Variants in ANKRD30BL observed in about 807,000 individuals in gnomAD.
The protein encoded by ANKRD30BL is putative ankyrin repeat domain-containing protein 30B-like.
In ANKRD30BL, 20 loss-of-function variants were observed where a neutral mutation model predicts 18.4. That is an observed-to-expected ratio of 1.09 (90% CI 0.77 to 1.58). The LOEUF (loss-of-function observed/expected upper bound fraction) is 1.58. Ranked by LOEUF, ANKRD30BL falls within the 40% of genes most tolerant of loss-of-function variation. The probability of loss-of-function intolerance (pLI) is 0.00; values close to 1 mark genes in which losing one functional copy is unlikely to be tolerated. For missense variants in ANKRD30BL, 224 were observed against 268.6 expected (o/e 0.83, Z 1.16); for synonymous variants, 72 against 100.9 (o/e 0.71, Z 1.72).
At chr2:132,198,185 G>A (rs929775403) in intron 1 of ANKRD30BL, among the ~76,000 whole-genome samples, 5 of 150,802 alleles carry the variant, frequency 3.3e-5, no homozygotes, top group Non-Finnish European at 7.4e-5. Context: ...CAATTGTATA[G>A]TTTTTATTAT....
intron 1 of ANKRD30BL, chr2:132,257,219 C>T (rs1190720787): frequency 1.2e-5 from 5 of 408,438 alleles, no homozygotes; most frequent in South Asian, 8.9e-5. Context: ...ACCGGCATGC[C>T]CCCCACTTGG....
Position 132,220,338 on chromosome 2 carries a change from C to G in ANKRD30BL, n.441+37191G>C, listed in dbSNP as rs1375246876. Reference sequence around the variant, plus strand: ...TCTCCCTCTCCCTGTCCCTCTCCCTCTCCCTCTCCCTGTCCCTCTCCCTCT... The same window carrying G: ...TCTCCCTCTCCCTGTCCCTCTCCCTGTCCCTCTCCCTGTCCCTCTCCCTCT... On this transcript the variant is annotated intron_variant and non_coding_transcript_variant, in intron 1 of 4. Transcript: ENST00000470729. Among the ~76,000 whole-genome samples, 106 of 97,884 alleles carry G rather than the reference C, an allele frequency of 1.1e-3. 5 individuals carry two copies. The highest frequency in any genetic ancestry group is 5.0e-3 in the African/African-American group (92 of 18,268). The allele number at this position is 97,884 out of a possible 152,430, so 64.2% of individuals were successfully genotyped here. A position where few individuals can be genotyped will look rare whatever the true frequency, so the allele number is the denominator to read the frequency against.
intron 1 of ANKRD30BL, among the ~76,000 whole-genome samples, chr2:132,182,053 G>T (rs552608105): frequency 1.3e-5 from 2 of 152,108 alleles, no homozygotes; most frequent in African/African-American, 4.8e-5. Flanking sequence ...GGAGGAGGTT[G>T]CTGTGAGCTG....
intron 1 of ANKRD30BL, among the ~76,000 whole-genome samples, chr2:132,242,736 T>C (rs947910620): frequency 6.6e-5 from 10 of 151,800 alleles, no homozygotes; most frequent in African/African-American, 2.4e-4. Context: ...CACAGAAGCA[T>C]TCTGAGAAAC....
Position 132,198,782 on chromosome 2 carries a change from T to C in ANKRD30BL, n.442-41636A>G, listed in dbSNP as rs186723131. 2.0e-4 allele frequency among the ~76,000 whole-genome samples: 30 copies of C among 152,134 alleles called. No homozygotes were observed. The East Asian group carries it at 5.7e-3, about 29-fold the overall frequency. ...ACAGGCGCCCACCACCATGCACAGC[T>C]AATTTTTGCATTTTTAGTAGAGACG... On this transcript the variant is annotated intron_variant and non_coding_transcript_variant, in intron 1 of 4. Coordinates refer to the ANKRD30BL transcript ENST00000470729.
At chr2:132,192,296 G>A (rs1183642268) in intron 1 of ANKRD30BL, among the ~76,000 whole-genome samples, 1 of 152,164 alleles carries the variant, frequency 6.6e-6, no homozygotes, top group Non-Finnish European at 1.5e-5. Flanking sequence ...GAACAGCCCT[G>A]CAGCTTGGGT....
chr2:132,234,936 A>T (rs1680114421), intron 1 of ANKRD30BL, among the ~76,000 whole-genome samples: 1 of 152,224 alleles, frequency 6.6e-6, no homozygotes, highest in Non-Finnish European at 1.5e-5. Flanking sequence ...AAAAATCCTC[A>T]ATAAAATACT....
At chr2:132,201,606 C>T (rs1178909840) in intron 1 of ANKRD30BL, among the ~76,000 whole-genome samples, 1 of 152,142 alleles carries the variant, frequency 6.6e-6, no homozygotes, top group Non-Finnish European at 1.5e-5. Context: ...CTTCTCACAC[C>T]AGTTAGAATG....
chr2:132,222,217 G>A (rs1452208942), intron 1 of ANKRD30BL, among the ~76,000 whole-genome samples: 1 of 147,888 alleles, frequency 6.8e-6, no homozygotes, highest in Admixed American at 6.7e-5. Flanking sequence ...GTGGTGGGGG[G>A]GTCAGCCCCC....
intron 1 of ANKRD30BL, among the ~76,000 whole-genome samples, chr2:132,256,806 G>C (rs1236399522): frequency 6.6e-6 from 1 of 152,364 alleles, no homozygotes; most frequent in Admixed American, 6.5e-5. Context: ...CGCCCCACCA[G>C]GCAGAGCCGG....
At chr2:132,237,839 T>C (rs1680204143) in intron 1 of ANKRD30BL, among the ~76,000 whole-genome samples, 1 of 152,102 alleles carries the variant, frequency 6.6e-6, no homozygotes, top group African/African-American at 2.4e-5. Flanking sequence ...TCATGATGTG[T>C]GTACTTAACT....
chr2:132,235,926 T>C (rs1332923937), intron 1 of ANKRD30BL, among the ~76,000 whole-genome samples: 1 of 152,138 alleles, frequency 6.6e-6, no homozygotes, highest in Non-Finnish European at 1.5e-5. Flanking sequence ...TCACACTACC[T>C]GACTTCAAAC....
intron 1 of ANKRD30BL, among the ~76,000 whole-genome samples, chr2:132,224,779 C>T (rs555508187): frequency 1.3e-5 from 2 of 152,170 alleles, no homozygotes; most frequent in Non-Finnish European, 2.9e-5. Context: ...GATATTTTGA[C>T]CGCTTTGAGG....
intron 1 of ANKRD30BL, among the ~76,000 whole-genome samples, chr2:132,170,584 G>A (rs555102672): frequency 6.6e-6 from 1 of 152,172 alleles, no homozygotes. Context: ...GATTTAATTG[G>A]ACATCCAAGG....
rs201755445 is a variant in ANKRD30BL at position 132,156,996 on chromosome 2, C to T, written c.484G>A (p.Ala162Thr). The T allele has an allele frequency of 1.9e-5, 24 of 1,263,770 alleles. No individual in the cohort carries two copies. The highest frequency in any genetic ancestry group is 2.3e-5 in the Non-Finnish European group (21 of 897,790). 78.3% of individuals were successfully genotyped at this position (1,263,770 alleles called of 1,614,324 possible). ...SVVAKLLSCG[A>T]DIEVKNKAGH... Reference sequence around the variant, plus strand: ...ACCTTGTTCTTCACTTCGATGTCTGCACCACAGGACAGCAATTTTGCCACC... The same window carrying T: ...ACCTTGTTCTTCACTTCGATGTCTGTACCACAGGACAGCAATTTTGCCACC... Residue 162 changes from alanine (A) to threonine (T), a missense_variant, in exon 3 of 6, where the codon GCA (alanine) becomes ACA (threonine). Coordinates refer to ENST00000409867, the MANE Select transcript of ANKRD30BL (RefSeq NM_001358416.1).
intron 1 of ANKRD30BL, among the ~76,000 whole-genome samples, chr2:132,256,805 A>G (rs1259836825): frequency 2.0e-5 from 3 of 152,120 alleles, no homozygotes; most frequent in Non-Finnish European, 4.4e-5. Context: ...GCGCCCCACC[A>G]GGCAGAGCCG....
At chr2:132,247,808 G>T (rs1388904652) in intron 1 of ANKRD30BL, among the ~76,000 whole-genome samples, 1 of 151,954 alleles carries the variant, frequency 6.6e-6, no homozygotes, top group Non-Finnish European at 1.5e-5. Context: ...TCCCTATGCA[G>T]ATAGTACAAA....
intron 1 of ANKRD30BL, among the ~76,000 whole-genome samples, chr2:132,226,487 G>A (rs1373042570): frequency 6.6e-6 from 1 of 151,510 alleles, no homozygotes; most frequent in Non-Finnish European, 1.5e-5. Flanking sequence ...TGGGCATTAG[G>A]AGCACTTTGC....
intron 1 of ANKRD30BL, among the ~76,000 whole-genome samples, chr2:132,249,931 A>G (rs142031217): frequency 6.6e-6 from 1 of 151,976 alleles, no homozygotes; most frequent in African/African-American, 2.4e-5. Context: ...TGAGATGAAC[A>G]CACACATCAC....
Sources: allele counts gnomAD v4.1 joint callset (sites outside exome capture counted in the v4.1 genomes callset), GRCh38; gene constraint gnomAD v4.1.1; transcripts MANE v1.5; gene names NCBI Gene and HGNC (gene_info 2026-07-23, HGNC 2026-07-21).